The following FIG4 variants were observed in gnomAD, a reference collection of about 807,000 sequenced individuals.
FIG4 encodes the protein FIG4 phosphoinositide 5-phosphatase, also known as polyphosphoinositide phosphatase.
FIG4 carries 112 observed loss-of-function variants against 118.6 expected under a neutral mutation model. The observed-to-expected ratio is 0.94, with a 90% CI of 0.81 to 1.11. The LOEUF (loss-of-function observed/expected upper bound fraction) is 1.11. Ranked by LOEUF, FIG4 falls within the 50% of genes least tolerant of loss-of-function variation. FIG4 has a pLI of 0.00. For missense variants in FIG4, 969 were observed against 1,111.7 expected (o/e 0.87, Z 1.83); for synonymous variants, 369 against 381.2 (o/e 0.97, Z 0.37).
At chr6:109,816,918 A>G (rs113107923) in intron 22 of FIG4, among the ~76,000 whole-genome samples, 2,728 of 152,322 alleles carry the variant, frequency 0.018, 99 homozygotes, top group African/African-American at 0.063. Flanking sequence ...CATTACTGCA[A>G]TCCATTGGTC....
rs113357544 is a variant in FIG4, at chr6:109,749,055, CTGTGTGTGTGTGTGTG to C, written c.1137+5317_1137+5332del. ...CTACATGCATGGGCTCAAAGGAGCT[CTGTGTGTGTGTGTGTG>C]TGTGTGTGTGTGTGTGTGTGTGTGT... is the stretch of plus-strand genomic sequence containing the variant. On this transcript the variant is annotated intron_variant, in intron 10 of 22. Coordinates refer to ENST00000230124, the MANE Select transcript of FIG4 (RefSeq NM_014845.6). Among the ~76,000 whole-genome samples, 87 of 132,480 alleles carry C rather than the reference CTGTGTGTGTGTGTGTG, an allele frequency of 6.6e-4. 1 individual carries two copies. Among genetic ancestry groups the C allele is most frequent in the South Asian group, 2.3e-3 (8 of 3,494 alleles). The allele number at this position is 132,480 out of a possible 152,430, so 86.9% of individuals were successfully genotyped here. A position where few individuals can be genotyped will look rare whatever the true frequency, so the allele number is the denominator to read the frequency against.
intron 3 of FIG4, among the ~76,000 whole-genome samples, chr6:109,722,377 G>A (rs976012812): frequency 6.6e-6 from 1 of 152,138 alleles, no homozygotes; most frequent in Non-Finnish European, 1.5e-5. Flanking sequence ...GCTCATTCAT[G>A]TTAATGTATT....
chr6:109,718,126 A>G (rs1775490457), intron 3 of FIG4, among the ~76,000 whole-genome samples: 2 of 152,142 alleles, frequency 1.3e-5, no homozygotes, highest in Admixed American at 1.3e-4. Context: ...TGTGTCTTAG[A>G]TGACTGGAGC....
intron 5 of FIG4, among the ~76,000 whole-genome samples, chr6:109,733,846 TCA>T (rs916771765): frequency 3.2e-4 from 49 of 152,216 alleles, no homozygotes; most frequent in African/African-American, 1.1e-3. Context: ...TTCATATTTC[TCA>T]GTTTTGTCTG....
intron 22 of FIG4, among the ~76,000 whole-genome samples, chr6:109,824,291 T>A (rs1172189588): frequency 1.8e-4 from 28 of 152,176 alleles, no homozygotes; most frequent in Non-Finnish European, 7.3e-5. Flanking sequence ...GGAGGCTAGA[T>A]GAGTCGCAGA....
intron 21 of FIG4, among the ~76,000 whole-genome samples, chr6:109,796,438 CT>C (rs1365310614): frequency 6.6e-6 from 1 of 152,210 alleles, no homozygotes; most frequent in Non-Finnish European, 1.5e-5. Context: ...GTGTGAGGCT[CT>C]GCAAGATCAT....
At chr6:109,711,912 G>A (rs1447033857) in intron 1 of FIG4, among the ~76,000 whole-genome samples, 3 of 152,140 alleles carry the variant, frequency 2.0e-5, no homozygotes, top group South Asian at 2.1e-4. Flanking sequence ...TTTCCTTTCC[G>A]TATTTAGTGC....
intron 1 of FIG4, among the ~76,000 whole-genome samples, chr6:109,692,276 A>G (rs1253336483): frequency 6.6e-6 from 1 of 152,222 alleles, no homozygotes; most frequent in African/African-American, 2.4e-5. Context: ...CCACAGTGAT[A>G]TTAGGGACTG....
At chr6:109,707,452 C>T (rs1775122389) in intron 1 of FIG4, among the ~76,000 whole-genome samples, 1 of 148,582 alleles carries the variant, frequency 6.7e-6, no homozygotes, top group East Asian at 1.9e-4. Flanking sequence ...TATATATACA[C>T]ATATATACAC....
chr6:109,701,119 G>C (rs778890975), intron 1 of FIG4, among the ~76,000 whole-genome samples: 3 of 152,234 alleles, frequency 2.0e-5, no homozygotes, highest in Non-Finnish European at 2.9e-5. Flanking sequence ...TCTGTGTATA[G>C]AGGTGGATTT....
intron 4 of FIG4, among the ~76,000 whole-genome samples, 190 bp downstream of exon 4, chr6:109,727,455 T>C (rs886736747): frequency 6.6e-6 from 1 of 152,158 alleles, no homozygotes; most frequent in Admixed American, 6.6e-5. Flanking sequence ...ATGAATGTTA[T>C]GTAAAAAGAT....
intron 15 of FIG4, among the ~76,000 whole-genome samples, chr6:109,776,033 T>A (rs2128394431): frequency 6.6e-6 from 1 of 152,322 alleles, no homozygotes; most frequent in South Asian, 2.1e-4. Flanking sequence ...TTATTATTTA[T>A]ATTGTGGATG....
At chr6:109,785,356 A>G (rs558468003) in intron 17 of FIG4, among the ~76,000 whole-genome samples, 136 of 152,312 alleles carry the variant, frequency 8.9e-4, no homozygotes, top group Non-Finnish European at 1.6e-3. Flanking sequence ...ATATTTCTAC[A>G]TATTTTGGGA....
In FIG4 at chr6:109,727,247, C is replaced by T; in HGVS notation, c.428C>T (p.Thr143Ile). Reference sequence around the variant, plus strand: ...ATACCCAATGATTCTGTACGGGTTACTCATCCTGATGAAGCTAGGTATGTA... The same window carrying T: ...ATACCCAATGATTCTGTACGGGTTATTCATCCTGATGAAGCTAGGTATGTA... ...IYIPNDSVRV[T>I]HPDEARYLRI... is the part of the protein sequence containing the mutation. Residue 143 changes from threonine to isoleucine, a missense_variant, in exon 4 of 23, where the codon ACT becomes ATT. Transcript: ENST00000230124. The T allele has an allele frequency of 6.2e-7, 1 of 1,612,148 alleles. No individual in the cohort carries two copies. Among genetic ancestry groups the T allele is most frequent in the Non-Finnish European group, 8.5e-7 (1 of 1,178,874 alleles).
At chr6:109,714,576 C>T (rs1255865930) in intron 1 of FIG4, among the ~76,000 whole-genome samples, 1 of 152,164 alleles carries the variant, frequency 6.6e-6, no homozygotes, top group Non-Finnish European at 1.5e-5. Context: ...GAAGGACAAC[C>T]ATTTTAATCA....
At chr6:109,822,057 A>G (rs920679380) in intron 22 of FIG4, among the ~76,000 whole-genome samples, 1 of 152,144 alleles carries the variant, frequency 6.6e-6, no homozygotes, top group Non-Finnish European at 1.5e-5. Context: ...AAGAAAGAAA[A>G]AGAAAGATGA....
chr6:109,792,736 CTTTTT>C (rs34998755), intron 21 of FIG4, 72 bp downstream of exon 21: 1,455 of 427,560 alleles, frequency 3.4e-3, no homozygotes, highest in East Asian at 5.2e-3. Context: ...ACTACTATAC[CTTTTT>C]TTTTTTTTTT....
At chr6:109,792,731 T>A in intron 21 of FIG4, 67 bp downstream of exon 21, 18 of 639,288 alleles carry the variant, frequency 2.8e-5, no homozygotes, top group East Asian at 1.0e-4. Context: ...TTCTAACTAC[T>A]ATACCTTTTT....
chr6:109,716,981 G>A (rs1775452253), intron 3 of FIG4, among the ~76,000 whole-genome samples: 1 of 148,638 alleles, frequency 6.7e-6, no homozygotes, highest in Non-Finnish European at 1.5e-5. Flanking sequence ...GTTATAAAAT[G>A]TCATAACCCC....
Sources: allele counts gnomAD v4.1 joint callset (sites outside exome capture counted in the v4.1 genomes callset), GRCh38; gene constraint gnomAD v4.1.1; transcripts MANE v1.5; gene names NCBI Gene and HGNC (gene_info 2026-07-23, HGNC 2026-07-21).